UTP18: variants seen among roughly 807,000 people sequenced by gnomAD.
UTP18 encodes the protein U3 small nucleolar RNA-associated protein 18 homolog.
In UTP18, 36 loss-of-function variants were observed where a neutral mutation model predicts 61.1. The ratio of observed to expected loss-of-function variants is 0.59; its 90% CI spans 0.45 to 0.78. The LOEUF is 0.78. Among genes scored for constraint, UTP18 ranks in the 30% least tolerant of loss-of-function variants. The probability of loss-of-function intolerance (pLI) is 0.00; values close to 1 mark genes in which losing one functional copy is unlikely to be tolerated. For synonymous variants in UTP18, 282 were observed against 251.1 expected (o/e 1.12, Z -1.16); for missense variants, 753 against 693.9 (o/e 1.09, Z -0.96).
chr17:51,268,329 G>C (rs992824006), intron 3 of UTP18, among the ~76,000 whole-genome samples: 1 of 152,170 alleles, frequency 6.6e-6, no homozygotes, highest in African/African-American at 2.4e-5. Context: ...CCCGGCCCAG[G>C]TACCAGTTCT....
chr17:51,263,802 A>G (rs1385612871), intron 2 of UTP18, among the ~76,000 whole-genome samples: 1 of 152,198 alleles, frequency 6.6e-6, no homozygotes, highest in African/African-American at 2.4e-5. Flanking sequence ...CAGTGCCTGA[A>G]ACTGAGTAAA....
In UTP18 at chr17:51,294,933, T is replaced by A. The variant is rs141542016; in HGVS notation, c.1646+888T>A. ...GATGGTATCTTATTGTGGTTTTTAT[T>A]TGCATTTCTCTGATGGCCAGTGATG... is the stretch of plus-strand genomic sequence containing the variant. On this transcript the variant is annotated intron_variant, in intron 12 of 13. Coordinates refer to ENST00000225298, the MANE Select transcript of UTP18 (RefSeq NM_016001.3). 7.8e-3 allele frequency among the ~76,000 whole-genome samples: 1,194 copies of A among 152,364 alleles called. 17 individuals carry two copies. The highest frequency in any genetic ancestry group is 0.027 in the African/African-American group (1,134 of 41,576).
Position 51,275,913 on chromosome 17 carries a change from G to C in UTP18, c.759G>C (p.Arg253=). ...ATGCTGAACGTCCTACTGTTGCTCG[G>C]ATCTCATCTGTGCAGTTCCATCCCG... ...HANAERPTVA[R]ISSVQFHPGA... The change falls in exon 6 of 14, where the codon CGG becomes CGC. Residue 253 remains arginine (R), a synonymous_variant. Transcript: ENST00000225298. 6.2e-7 allele frequency: 1 copy of C among 1,612,670 alleles called. No homozygotes were observed. The highest frequency in any genetic ancestry group is 8.5e-7 in the Non-Finnish European group (1 of 1,179,568).
At chr17:51,293,684 G>C (rs931870619) in intron 11 of UTP18, among the ~76,000 whole-genome samples, 3 of 151,996 alleles carry the variant, frequency 2.0e-5, no homozygotes, top group African/African-American at 7.3e-5. Flanking sequence ...AATTCATGTA[G>C]CAAAACTGCA....
chr17:51,260,848 G>T lies in UTP18; in HGVS notation c.264G>T (p.Glu88Asp), dbSNP rs1164975462. Reference sequence around the variant, plus strand: ...TGGAGGAGGACAAACCGGCCGTGGAGCGGTGCTTGGAGGAGCTGGTCTTCG... The same window carrying T: ...TGGAGGAGGACAAACCGGCCGTGGATCGGTGCTTGGAGGAGCTGGTCTTCG... ...LRLEEDKPAV[E>D]RCLEELVFGD... Residue 88 changes from glutamate (E) to aspartate (D), a missense_variant, in exon 1 of 14, where the codon GAG becomes GAT. Physicochemically the swap from Glu to Asp is conservative, Grantham distance 45. Transcript: ENST00000225298. 1 of 1,600,986 alleles carries T rather than the reference G, an allele frequency of 6.2e-7. No homozygotes were observed.
chr17:51,271,149 TG>T (rs1904516898), intron 4 of UTP18, among the ~76,000 whole-genome samples: 2 of 152,242 alleles, frequency 1.3e-5, no homozygotes, highest in Admixed American at 1.3e-4. Flanking sequence ...CATTTTAGCT[TG>T]CTTTGTATTT....
At position 51,277,403 on chromosome 17, in the gene UTP18, AAAT is replaced by A. The variant is rs1156828204; in HGVS notation, c.1012+102_1012+104del. 1.2e-5 allele frequency: 16 copies of A among 1,330,594 alleles called. No homozygotes were observed. The East Asian group carries it at 3.6e-4, about 30-fold the overall frequency. The allele number at this position is 1,330,594 out of a possible 1,614,324, so 82.4% of individuals were successfully genotyped here. A position where few individuals can be genotyped will look rare whatever the true frequency, so the allele number is the denominator to read the frequency against. On this transcript the variant is annotated intron_variant, in intron 7 of 13. Coordinates refer to ENST00000225298, the MANE Select transcript of UTP18 (RefSeq NM_016001.3). ...TTTTTTCACTCCATAGGATTCTTAA[AAAT>A]AAGAGTTTCTTTAGGTATAGTGTTT...
intron 7 of UTP18, among the ~76,000 whole-genome samples, chr17:51,279,196 C>T (rs999237879): frequency 6.6e-6 from 1 of 152,228 alleles, no homozygotes; most frequent in African/African-American, 2.4e-5. Flanking sequence ...CTCTTCTGCT[C>T]TGTCTCCCTG....
intron 6 of UTP18, among the ~76,000 whole-genome samples, chr17:51,276,218 G>A (rs911501850): frequency 2.0e-5 from 3 of 152,064 alleles, no homozygotes; most frequent in African/African-American, 4.8e-5. Context: ...AAAGTCTGTC[G>A]TCACTGTTTT....
At chr17:51,261,360 A>T (rs2055474344) in intron 1 of UTP18, among the ~76,000 whole-genome samples, 1 of 152,160 alleles carries the variant, frequency 6.6e-6, no homozygotes, top group African/African-American at 2.4e-5. Flanking sequence ...TCCCCATGTG[A>T]CTATGAGACC....
Position 51,288,069 on chromosome 17 carries a change from T to C in UTP18, c.1369T>C (p.Cys457Arg). 1 of 1,603,358 alleles carries C rather than the reference T, an allele frequency of 6.2e-7. No homozygotes were observed. The highest frequency in any genetic ancestry group is 8.5e-7 in the Non-Finnish European group (1 of 1,177,192). The stretch of plus-strand genomic sequence containing the variant: ...GGTAAATATATACAATCAAGATTCT[T>C]GTCTCCAAGAAACAAACCCAAAGCC... The part of the protein sequence containing the change: ...GVVNIYNQDS[C>R]LQETNPKPIK... The change falls in exon 11 of 14, where the codon TGT becomes CGT. Residue 457 changes from cysteine (C) to arginine (R), a missense_variant. Coordinates refer to ENST00000225298, the MANE Select transcript of UTP18 (RefSeq NM_016001.3).
chr17:51,279,395 A>G (rs1904836714), intron 7 of UTP18, among the ~76,000 whole-genome samples: 1 of 152,238 alleles, frequency 6.6e-6, no homozygotes, highest in Non-Finnish European at 1.5e-5. Flanking sequence ...TTGACTGTAT[A>G]TACCTAGCTC....
rs754613905 is a variant in UTP18 at position 51,277,193 on chromosome 17, G to T, written c.901G>T (p.Ala301Ser). 18 of 1,613,964 alleles carry T rather than the reference G, an allele frequency of 1.1e-5. No individual in the cohort carries two copies. In the South Asian group the frequency reaches 1.6e-4, roughly 15 times the overall value. The change falls in exon 7 of 14, where the codon GCT becomes TCT. Residue 301 changes from alanine (A) to serine (S), a missense_variant. Ala to Ser is a moderately conservative substitution (Grantham distance 99, BLOSUM62 1). Transcript: ENST00000225298. Reference sequence around the variant, plus strand: ...TTTGGAAAGGTTTCCAATCTTTAAGGCTTGTTTTAGTGCTAATGGGGAAGA... The same window carrying T: ...TTTGGAAAGGTTTCCAATCTTTAAGTCTTGTTTTAGTGCTAATGGGGAAGA... ...IYLERFPIFK[A>S]CFSANGEEVL...
chr17:51,278,485 G>C (rs1329988033), intron 7 of UTP18, among the ~76,000 whole-genome samples: 1 of 152,254 alleles, frequency 6.6e-6, no homozygotes, highest in Non-Finnish European at 1.5e-5. Context: ...ACCATGCGTT[G>C]GCCAAGATAC....
At chr17:51,272,634 C>T (rs904041175) in intron 4 of UTP18, among the ~76,000 whole-genome samples, 5 of 152,060 alleles carry the variant, frequency 3.3e-5, no homozygotes, top group Non-Finnish European at 7.4e-5. Flanking sequence ...CTAGTAATCC[C>T]AGAACGTTTT....
chr17:51,292,159 CTG>C (rs1229056318), intron 11 of UTP18, among the ~76,000 whole-genome samples: 1 of 152,212 alleles, frequency 6.6e-6, no homozygotes, highest in African/African-American at 2.4e-5. Context: ...TGGCTTCTCT[CTG>C]TAAAACAGGA....
At chr17:51,281,601 G>A (rs1486576160) in intron 9 of UTP18, among the ~76,000 whole-genome samples, 2 of 152,238 alleles carry the variant, frequency 1.3e-5, no homozygotes, top group East Asian at 1.9e-4. Context: ...AGAAGTGGAG[G>A]TATCTATAAA....
At chr17:51,295,403 C>G (rs1029772649) in intron 12 of UTP18, among the ~76,000 whole-genome samples, 1 of 152,178 alleles carries the variant, frequency 6.6e-6, no homozygotes, top group East Asian at 1.9e-4. Flanking sequence ...GACCCAGTTT[C>G]AGCTTTCTAC....
At chr17:51,273,239 C>T in intron 4 of UTP18, 123 bp from the exon 5 acceptor site, 1 of 515,774 alleles carries the variant, frequency 1.9e-6, no homozygotes, top group East Asian at 4.0e-5. Flanking sequence ...TTAAAAAAAG[C>T]AATTGAGGTA....
Sources: gnomAD v4.1 joint callset for allele counts (sites outside exome capture counted in the v4.1 genomes callset) on GRCh38, gnomAD v4.1.1 for gene constraint, MANE v1.5 for transcripts, NCBI Gene and HGNC (gene_info 2026-07-23, HGNC 2026-07-21) for gene names.